GRID1: variants seen among roughly 807,000 people sequenced by gnomAD.
The protein encoded by GRID1 is glutamate ionotropic receptor delta type subunit 1, also known as glutamate receptor ionotropic, delta-1.
In GRID1, 28 loss-of-function variants were observed where a neutral mutation model predicts 98.0. That is an observed-to-expected ratio of 0.29 (90% CI 0.21 to 0.39). The LOEUF (loss-of-function observed/expected upper bound fraction) is 0.39. Among genes scored for constraint, GRID1 ranks in the 10% least tolerant of loss-of-function variants. GRID1 has a pLI of 1.00. For missense variants in GRID1, 1,111 were observed against 1,340.5 expected, an observed-to-expected ratio of 0.83 and a Z score of 2.67; for synonymous variants, 553 against 538.5, an observed-to-expected ratio of 1.03 and a Z score of -0.37.
At chr10:85,602,816 C>A in intron 15 of GRID1, 115 bp from the exon 16 acceptor site, 2 of 704,132 alleles carry the variant, frequency 2.8e-6, no homozygotes, top group East Asian at 2.7e-5. Flanking sequence ...GGGCTGTGGG[C>A]GAGTATCCCT....
intron 13 of GRID1, among the ~76,000 whole-genome samples, chr10:85,639,407 C>G (rs542689442): frequency 2.6e-5 from 4 of 152,276 alleles, no homozygotes; most frequent in Admixed American, 2.6e-4. Context: ...AAGCGGTTGT[C>G]TCTGCAGATG....
At chr10:86,356,890 G>A (rs1434086655) in intron 2 of GRID1, among the ~76,000 whole-genome samples, 1 of 152,230 alleles carries the variant, frequency 6.6e-6, no homozygotes, top group Non-Finnish European at 1.5e-5. Flanking sequence ...CTGGGCAGTA[G>A]AAGGCTCAGT....
At chr10:86,122,417 G>A (rs992623571) in intron 4 of GRID1, among the ~76,000 whole-genome samples, 1 of 152,228 alleles carries the variant, frequency 6.6e-6, no homozygotes, top group Non-Finnish European at 1.5e-5. Context: ...CCAGGGATGT[G>A]CTTGCTTTGC....
intron 8 of GRID1, among the ~76,000 whole-genome samples, chr10:85,764,409 T>C (rs1342029983): frequency 6.6e-6 from 1 of 152,178 alleles, no homozygotes; most frequent in Non-Finnish European, 1.5e-5. Context: ...CATTCACAAG[T>C]CCTCAGTGAA....
chr10:85,834,308 T>C (rs1323237500), intron 8 of GRID1, among the ~76,000 whole-genome samples: 1 of 152,012 alleles, frequency 6.6e-6, no homozygotes, highest in African/African-American at 2.4e-5. Flanking sequence ...CAGTAGAAAA[T>C]GGCATAACAC....
At chr10:86,115,352 T>C (rs938556757) in intron 4 of GRID1, among the ~76,000 whole-genome samples, 2 of 149,980 alleles carry the variant, frequency 1.3e-5, no homozygotes, top group African/African-American at 2.5e-5. Context: ...AAACAATAGA[T>C]GAATGAATGA....
intron 15 of GRID1, among the ~76,000 whole-genome samples, chr10:85,608,085 G>A (rs1056868485): frequency 2.0e-5 from 3 of 152,070 alleles, no homozygotes; most frequent in African/African-American, 7.2e-5. Context: ...CAAAGTGCTG[G>A]GATTATAGGC....
intron 4 of GRID1, among the ~76,000 whole-genome samples, chr10:86,073,847 G>A (rs896503666): frequency 5.9e-5 from 9 of 152,180 alleles, no homozygotes; most frequent in African/African-American, 2.2e-4. Flanking sequence ...GAGCACCTGG[G>A]CTCTCTCTCC....
chr10:86,250,643 G>A (rs1010630403), intron 2 of GRID1, among the ~76,000 whole-genome samples: 1 of 151,762 alleles, frequency 6.6e-6, no homozygotes, highest in Non-Finnish European at 1.5e-5. Context: ...TCTGGGAGGT[G>A]GGGGGCAGCC....
chr10:86,302,564 A>T (rs549661274), intron 2 of GRID1, among the ~76,000 whole-genome samples: 2 of 152,278 alleles, frequency 1.3e-5, no homozygotes, highest in South Asian at 4.1e-4. Context: ...TATTTGAAAC[A>T]CACAGCACCC....
chr10:86,138,939 G>C lies in GRID1; in HGVS notation c.606C>G (p.Ser202Arg). Residue 202 changes from serine (S) to arginine (R), a missense_variant, in exon 4 of 16, where the codon AGC becomes AGG. Ser to Arg is a moderately radical substitution (Grantham distance 110). Transcript: ENST00000327946. The part of the protein sequence containing the change: ...VSLQKVDKNI[S>R]HVFTSLFTTM... ...TGGTGAAGAGGCTGGTGAATACGTG[G>C]CTAATGTTCTTGTCCACCTTTTGTA... The C allele has an allele frequency of 6.2e-7, 1 of 1,613,842 alleles. No homozygotes were observed. Among genetic ancestry groups the C allele is most frequent in the Non-Finnish European group, 8.5e-7 (1 of 1,179,684 alleles).
intron 4 of GRID1, among the ~76,000 whole-genome samples, chr10:86,043,344 A>G (rs1178541782): frequency 6.6e-6 from 1 of 152,202 alleles, no homozygotes; most frequent in Non-Finnish European, 1.5e-5. Context: ...AGCTCCCTCT[A>G]TACCTCGATG....
intron 12 of GRID1, among the ~76,000 whole-genome samples, chr10:85,656,853 A>G (rs964026476): frequency 1.3e-4 from 20 of 152,244 alleles, no homozygotes; most frequent in African/African-American, 3.4e-4. Context: ...TTTAACCCCT[A>G]CAGCTATTCC....
intron 4 of GRID1, among the ~76,000 whole-genome samples, chr10:85,982,759 GA>G (rs1042629728): frequency 8.5e-5 from 13 of 152,266 alleles, no homozygotes; most frequent in African/African-American, 3.1e-4. Context: ...CAGCAAAAGT[GA>G]CTTTCTTTCC....
In GRID1 at chr10:85,939,981, C is replaced by T. The variant is rs183527101; in HGVS notation, c.727-23742G>A. On this transcript the variant is annotated intron_variant, in intron 4 of 15. Transcript: ENST00000327946. Reference sequence around the variant, plus strand: ...ACTTGGGAGGCTGAAGCAGGAGAATCGCTTGAACCTGGGAGGCGGAGGTTG... The same window carrying T: ...ACTTGGGAGGCTGAAGCAGGAGAATTGCTTGAACCTGGGAGGCGGAGGTTG... 3.3e-3 allele frequency among the ~76,000 whole-genome samples: 487 copies of T among 149,590 alleles called. 2 individuals carry two copies. Among genetic ancestry groups the T allele is most frequent in the African/African-American group, 0.011 (452 of 40,576 alleles).
chr10:85,880,614 G>C (rs1223106246), intron 5 of GRID1, among the ~76,000 whole-genome samples: 1 of 151,340 alleles, frequency 6.6e-6, no homozygotes, highest in African/African-American at 2.4e-5. Context: ...GTATTGATGG[G>C]ACATATCTCA....
intron 4 of GRID1, among the ~76,000 whole-genome samples, chr10:86,093,857 T>A (rs981169892): frequency 6.6e-6 from 1 of 152,180 alleles, no homozygotes; most frequent in Non-Finnish European, 1.5e-5. Flanking sequence ...GAAGCCAGCA[T>A]CACTCTAATA....
At chr10:86,110,727 G>A (rs1844468679) in intron 4 of GRID1, among the ~76,000 whole-genome samples, 1 of 152,192 alleles carries the variant, frequency 6.6e-6, no homozygotes, top group Non-Finnish European at 1.5e-5. Context: ...AACTTGGAAA[G>A]AGTTAATCAG....
intron 5 of GRID1, among the ~76,000 whole-genome samples, chr10:85,886,152 G>A (rs184083221): frequency 1.2e-3 from 180 of 152,302 alleles, no homozygotes; most frequent in Non-Finnish European, 1.5e-3. Context: ...GAGACATAAG[G>A]GGGTTCTCCA....
Sources: allele counts gnomAD v4.1 joint callset (sites outside exome capture counted in the v4.1 genomes callset), GRCh38; gene constraint gnomAD v4.1.1; transcripts MANE v1.5; gene names NCBI Gene and HGNC (gene_info 2026-07-23, HGNC 2026-07-21).